The following CNTNAP2 variants were observed in gnomAD, a reference collection of about 807,000 sequenced individuals.
The protein encoded by CNTNAP2 is contactin-associated protein-like 2.
Under a neutral mutation model 155.2 loss-of-function variants are expected in CNTNAP2, and 98 were observed. The observed-to-expected ratio is 0.63, with a 90% CI of 0.54 to 0.75. CNTNAP2 has a LOEUF of 0.75. Ranked by LOEUF, CNTNAP2 falls within the 30% of genes least tolerant of loss-of-function variation. The probability of loss-of-function intolerance (pLI) is 0.00; values close to 1 mark genes in which losing one functional copy is unlikely to be tolerated. For missense variants in CNTNAP2, 1,727 were observed against 1,688.1 expected (o/e 1.02, Z -0.40); for synonymous variants, 651 against 631.2 (o/e 1.03, Z -0.47).
chr7:146,275,098 C>T (rs1387917768), intron 1 of CNTNAP2, among the ~76,000 whole-genome samples: 3 of 152,086 alleles, frequency 2.0e-5, no homozygotes, highest in Admixed American at 6.5e-5. Context: ...GAAGATAATA[C>T]GCACTATGCA....
At chr7:147,801,469 G>T (rs185492614) in intron 13 of CNTNAP2, among the ~76,000 whole-genome samples, 1 of 151,608 alleles carries the variant, frequency 6.6e-6, no homozygotes, top group Non-Finnish European at 1.5e-5. Context: ...AGCACCCTGC[G>T]GCCTTCCGCA....
intron 1 of CNTNAP2, among the ~76,000 whole-genome samples, chr7:146,505,876 G>A (rs182199686): frequency 6.6e-5 from 10 of 152,286 alleles, no homozygotes; most frequent in African/African-American, 1.4e-4. Context: ...TTTCATGGCC[G>A]CTCATTCAAG....
rs576141941 is a variant in CNTNAP2, at chr7:148,368,803, G to A, written c.3476-14846G>A. Among the ~76,000 whole-genome samples the A allele has an allele frequency of 6.6e-5, 10 of 152,252 alleles. No individual in the cohort carries two copies. The South Asian group carries it at 8.3e-4, about 13-fold the overall frequency. ...GTATGTGACAGGGGCTGCATGCACC[G>A]GTGGTCAGACTGAGACAGAACAGAC... On this transcript the variant is annotated intron_variant, in intron 21 of 23. Coordinates refer to ENST00000361727, the MANE Select transcript of CNTNAP2 (RefSeq NM_014141.6).
chr7:147,616,178 T>C (rs1470388494), intron 12 of CNTNAP2, among the ~76,000 whole-genome samples: 1 of 152,214 alleles, frequency 6.6e-6, no homozygotes. Flanking sequence ...TATTTTTTAA[T>C]GTATTTCCAC....
chr7:146,809,425 G>C (rs146340351), intron 2 of CNTNAP2, among the ~76,000 whole-genome samples: 153 of 152,044 alleles, frequency 1.0e-3, no homozygotes, highest in African/African-American at 3.6e-3. Flanking sequence ...GCAGTGGTGC[G>C]GTGTCGGCTC....
At chr7:146,170,032 T>TC (rs1259069066) in intron 1 of CNTNAP2, among the ~76,000 whole-genome samples, 1 of 150,204 alleles carries the variant, frequency 6.7e-6, no homozygotes, top group Non-Finnish European at 1.5e-5. Flanking sequence ...TTTTTTTTTT[T>TC]TTTGGAGTGG....
At chr7:147,318,833 A>T (rs1183417533) in intron 9 of CNTNAP2, among the ~76,000 whole-genome samples, 5 of 152,160 alleles carry the variant, frequency 3.3e-5, no homozygotes. Context: ...AAGTAAAATT[A>T]AAAATATATA....
intron 1 of CNTNAP2, among the ~76,000 whole-genome samples, chr7:146,437,127 C>A (rs927993486): frequency 6.6e-6 from 1 of 151,264 alleles, no homozygotes; most frequent in East Asian, 1.9e-4. Context: ...GGAGCGTGAA[C>A]CTTACTGTGA....
At chr7:147,738,062 C>T (rs540619247) in intron 13 of CNTNAP2, among the ~76,000 whole-genome samples, 22 of 152,262 alleles carry the variant, frequency 1.4e-4, no homozygotes, top group African/African-American at 4.8e-4. Context: ...TGAGATGAAC[C>T]CAGTACCTCA....
At chr7:147,413,464 A>G (rs1273785343) in intron 10 of CNTNAP2, among the ~76,000 whole-genome samples, 1 of 152,200 alleles carries the variant, frequency 6.6e-6, no homozygotes, top group Non-Finnish European at 1.5e-5. Flanking sequence ...TTTACATGGT[A>G]AACATCTGTG....
chr7:147,674,456 A>G (rs1795836925), intron 13 of CNTNAP2, among the ~76,000 whole-genome samples: 1 of 152,164 alleles, frequency 6.6e-6, no homozygotes, highest in Non-Finnish European at 1.5e-5. Flanking sequence ...CAATGAAAAG[A>G]CATATTATTA....
Position 147,072,647 on chromosome 7 carries a change from T to C in CNTNAP2, c.550+28593T>C, listed in dbSNP as rs762507888. On this transcript the variant is annotated intron_variant, in intron 4 of 23. Transcript: ENST00000361727. The stretch of plus-strand genomic sequence containing the variant: ...CTACAGAACTTGGTTGTGGGTTACA[T>C]GTGGGCTGTGGTGGAAAAAAGTGCT... 2.0e-5 allele frequency among the ~76,000 whole-genome samples: 3 copies of C among 152,062 alleles called. No homozygotes were observed. The South Asian group carries it at 6.2e-4, about 32-fold the overall frequency.
chr7:146,831,418 C>T (rs1803508080), intron 2 of CNTNAP2, among the ~76,000 whole-genome samples: 1 of 152,080 alleles, frequency 6.6e-6, no homozygotes, highest in South Asian at 2.1e-4. Context: ...GTGGCTCAGC[C>T]TGTAATCTCT....
At chr7:147,203,225 A>G (rs555730914) in intron 8 of CNTNAP2, among the ~76,000 whole-genome samples, 9 of 152,196 alleles carry the variant, frequency 5.9e-5, no homozygotes, top group African/African-American at 2.2e-4. Context: ...TGAGGGGGGA[A>G]CACTTATTTC....
At chr7:148,301,538 G>T (rs1797392242) in intron 21 of CNTNAP2, among the ~76,000 whole-genome samples, 1 of 152,038 alleles carries the variant, frequency 6.6e-6, no homozygotes, top group African/African-American at 2.4e-5. Flanking sequence ...TTGGAGAGAT[G>T]AAATGCAGTA....
At position 148,105,688 on chromosome 7, in the gene CNTNAP2, A is replaced by G. The variant is rs143752742; in HGVS notation, c.2384-12430A>G. ...CCACAACCTCCACCTCCCAGGTTCA[A>G]GTGATTCTCCTGCCTCATCTCCCAA... is the stretch of plus-strand genomic sequence containing the variant. On this transcript the variant is annotated intron_variant, in intron 15 of 23. Transcript: ENST00000361727. Among the ~76,000 whole-genome samples the G allele has an allele frequency of 3.3e-3, 502 of 151,868 alleles. 3 individuals are homozygous for G. Among genetic ancestry groups the G allele is most frequent in the African/African-American group, 0.012 (480 of 41,436 alleles).
At chr7:147,393,500 CA>C (rs978338961) in intron 9 of CNTNAP2, among the ~76,000 whole-genome samples, 4 of 141,020 alleles carry the variant, frequency 2.8e-5, no homozygotes, top group African/African-American at 1.1e-4. Context: ...AAAAAAAAAA[CA>C]GAAACAAATG....
intron 21 of CNTNAP2, among the ~76,000 whole-genome samples, chr7:148,284,631 G>A (rs1384460468): frequency 6.6e-6 from 1 of 151,194 alleles, no homozygotes; most frequent in Non-Finnish European, 1.5e-5. Flanking sequence ...AAATCTCATG[G>A]TGCTTCCTAT....
At position 148,245,426 on chromosome 7, in the gene CNTNAP2, G is replaced by A. The variant is rs1446321604; in HGVS notation, c.3381+15647G>A. ...TCGCCTCCAGGAAATGTTAGATGCTGATGTGGAGGAGGATGAAGGGGAGGA... is the reference window on the plus strand; with the variant it reads ...TCGCCTCCAGGAAATGTTAGATGCTAATGTGGAGGAGGATGAAGGGGAGGA... On this transcript the variant is annotated intron_variant, in intron 20 of 23. Coordinates refer to ENST00000361727, the MANE Select transcript of CNTNAP2 (RefSeq NM_014141.6). 3.3e-5 allele frequency among the ~76,000 whole-genome samples: 5 copies of A among 152,222 alleles called. No homozygotes were observed. The South Asian group carries it at 1.0e-3, about 31-fold the overall frequency.
Sources: gnomAD v4.1 joint callset for allele counts (sites outside exome capture counted in the v4.1 genomes callset) on GRCh38, gnomAD v4.1.1 for gene constraint, MANE v1.5 for transcripts, NCBI Gene and HGNC (gene_info 2026-07-23, HGNC 2026-07-21) for gene names.